The following FILIP1L variants were observed in gnomAD, a reference collection of about 807,000 sequenced individuals.
FILIP1L encodes the protein filamin A interacting protein 1 like.
Under a neutral mutation model 96.6 loss-of-function variants are expected in FILIP1L, and 55 were observed. That is an observed-to-expected ratio of 0.57 (90% confidence interval 0.46 to 0.71). FILIP1L has a LOEUF of 0.71. FILIP1L is among the 30% of genes least tolerant of loss of function. FILIP1L has a pLI of 0.00. For synonymous variants in FILIP1L, 467 were observed against 473.9 expected, an observed-to-expected ratio of 0.99 and a Z score of 0.19; for missense variants, 1,304 against 1,321.2, an observed-to-expected ratio of 0.99 and a Z score of 0.20.
chr3:99,871,516 TA>T (rs1210205830), intron 4 of FILIP1L, among the ~76,000 whole-genome samples: 1 of 152,180 alleles, frequency 6.6e-6, no homozygotes, highest in Non-Finnish European at 1.5e-5. Flanking sequence ...ATGAGTAATT[TA>T]ATGTCACATC....
At chr3:99,928,895 C>G (rs1269011361) in intron 3 of FILIP1L, among the ~76,000 whole-genome samples, 1 of 152,150 alleles carries the variant, frequency 6.6e-6, no homozygotes, top group Non-Finnish European at 1.5e-5. Flanking sequence ...CTCATCCTCA[C>G]CCCGTAGAGA....
At chr3:100,087,797 C>T (rs571738993) in intron 1 of FILIP1L, among the ~76,000 whole-genome samples, 3 of 150,212 alleles carry the variant, frequency 2.0e-5, no homozygotes, top group Admixed American at 1.3e-4. Context: ...CTTTTCCTAA[C>T]ACAAACTCAC....
chr3:100,038,596 A>G (rs1413474239), intron 1 of FILIP1L, among the ~76,000 whole-genome samples: 7 of 152,254 alleles, frequency 4.6e-5, no homozygotes, highest in Admixed American at 2.0e-4. Context: ...CTGGAAGTAA[A>G]TAGGATTATT....
At chr3:100,100,876 A>G (rs1387892133) in intron 1 of FILIP1L, among the ~76,000 whole-genome samples, 1 of 152,158 alleles carries the variant, frequency 6.6e-6, no homozygotes, top group African/African-American at 2.4e-5. Flanking sequence ...CATGAGGAAG[A>G]TCAGTTTTTC....
At chr3:99,837,696 A>G (rs181501386) in intron 5 of FILIP1L, among the ~76,000 whole-genome samples, 2 of 152,356 alleles carry the variant, frequency 1.3e-5, no homozygotes, top group Admixed American at 1.3e-4. Context: ...ACCTGGGAAG[A>G]TACATAGTGA....
intron 4 of FILIP1L, among the ~76,000 whole-genome samples, chr3:99,868,853 A>G (rs570474643): frequency 6.6e-6 from 1 of 152,306 alleles, no homozygotes; most frequent in South Asian, 2.1e-4. Context: ...AAGTCCCCAC[A>G]GCCCTTACAG....
intron 1 of FILIP1L, among the ~76,000 whole-genome samples, chr3:100,100,166 A>G (rs1486611053): frequency 6.6e-6 from 1 of 152,060 alleles, no homozygotes; most frequent in East Asian, 1.9e-4. Context: ...CAATGCTGCC[A>G]CTCAGATTTT....
Position 100,093,576 on chromosome 3 carries a change from G to T in FILIP1L, c.-11+20477C>A, listed in dbSNP as rs116375050. 3.5e-3 allele frequency among the ~76,000 whole-genome samples: 528 copies of T among 152,146 alleles called. 3 individuals carry two copies. Among genetic ancestry groups the T allele is most frequent in the African/African-American group, 0.012 (487 of 41,504 alleles). ...TACACTTCAACCAGTTTCCTCCAAT[G>T]GTAACATCTTACAGAACTGTAGTGG... On this transcript the variant is annotated intron_variant, in intron 1 of 5. Coordinates refer to ENST00000477258, the MANE Select transcript of FILIP1L (RefSeq NM_001387850.1).
Position 99,849,389 on chromosome 3 carries a change from C to T in FILIP1L, c.2287G>A (p.Glu763Lys). 2 of 1,614,222 alleles carry T rather than the reference C, an allele frequency of 1.2e-6. No homozygotes were observed. The highest frequency in any genetic ancestry group is 1.7e-6 in the Non-Finnish European group (2 of 1,180,046). Residue 763 changes from glutamate (E) to lysine (K), a missense_variant, in exon 5 of 6, where the codon GAG becomes AAG. Physicochemically the swap from Glu to Lys is moderately conservative, Grantham distance 56. Transcript: ENST00000477258. ...QENRNRDLGR[E>K]IENLTKELER... ...AACTCCTTAGTGAGGTTTTCAATCT[C>T]TCTTCCTAAATCTCTGTTCCTGTTT...
intron 4 of FILIP1L, among the ~76,000 whole-genome samples, chr3:99,891,258 TC>T (rs1706074181): frequency 6.6e-6 from 1 of 152,170 alleles, no homozygotes; most frequent in African/African-American, 2.4e-5. Flanking sequence ...TGTGGGTACT[TC>T]CATCTGGGCA....
rs9819861 is a variant in FILIP1L, at chr3:99,989,049, C to T, written c.-10-58019G>A. Among the ~76,000 whole-genome samples the T allele has an allele frequency of 5.0e-3, 761 of 152,302 alleles. 5 individuals carry two copies. Among genetic ancestry groups the T allele is most frequent in the African/African-American group, 0.017 (716 of 41,564 alleles). The stretch of plus-strand genomic sequence containing the variant: ...TAGGAATTATTTTTCTCAACAAATT[C>T]TTCCATCTCATAAACTTACTTAGCA... On this transcript the variant is annotated intron_variant, in intron 1 of 5. Coordinates refer to ENST00000477258, the MANE Select transcript of FILIP1L (RefSeq NM_001387850.1).
At chr3:99,876,035 GC>G (rs1705495755) in intron 4 of FILIP1L, 19 of 985,208 alleles carry the variant, frequency 1.9e-5, no homozygotes, top group Non-Finnish European at 2.2e-5. Context: ...TGACAGCAGT[GC>G]CCCTTGGTGG....
chr3:100,012,388 A>C (rs541734532), intron 1 of FILIP1L, among the ~76,000 whole-genome samples: 41 of 152,290 alleles, frequency 2.7e-4, no homozygotes, highest in African/African-American at 9.9e-4. Context: ...AAAGCCCAAA[A>C]CGAAACAAAA....
chr3:100,066,239 C>G (rs2065660894), intron 1 of FILIP1L, among the ~76,000 whole-genome samples: 1 of 152,200 alleles, frequency 6.6e-6, no homozygotes, highest in South Asian at 2.1e-4. Context: ...TCCTGCAGCT[C>G]TCTGTGGGAT....
intron 4 of FILIP1L, among the ~76,000 whole-genome samples, chr3:99,907,561 G>T (rs1233473481): frequency 6.6e-6 from 1 of 152,000 alleles, no homozygotes; most frequent in East Asian, 1.9e-4. Context: ...CCTTTATTTT[G>T]ACATCTGCAG....
intron 4 of FILIP1L, among the ~76,000 whole-genome samples, chr3:99,888,933 G>C (rs756849473): frequency 5.9e-5 from 9 of 152,092 alleles, no homozygotes; most frequent in Admixed American, 5.9e-4. Flanking sequence ...TTTTTAGGTA[G>C]AGGAAGAGCA....
chr3:100,029,287 T>G (rs1172871726), intron 1 of FILIP1L, among the ~76,000 whole-genome samples: 2 of 152,000 alleles, frequency 1.3e-5, no homozygotes, highest in Non-Finnish European at 2.9e-5. Flanking sequence ...AAAAATAAAT[T>G]TACTTATTTG....
At position 99,975,484 on chromosome 3, in the gene FILIP1L, C is replaced by T. The variant is rs368066600; in HGVS notation, c.-10-44454G>A. On this transcript the variant is annotated intron_variant, in intron 1 of 5. Coordinates refer to ENST00000477258, the MANE Select transcript of FILIP1L (RefSeq NM_001387850.1). ...GCGGGCGCCTGTAATCCCAGCTACT[C>T]GGGAGGCTGAGGCAGGAGAATTGCT... 4.6e-5 allele frequency among the ~76,000 whole-genome samples: 7 copies of T among 151,576 alleles called. No individual in the cohort carries two copies. The South Asian group carries it at 1.0e-3, about 23-fold the overall frequency.
chr3:100,073,399 C>G (rs1384250154), intron 1 of FILIP1L, among the ~76,000 whole-genome samples: 1 of 152,110 alleles, frequency 6.6e-6, no homozygotes, highest in Non-Finnish European at 1.5e-5. Flanking sequence ...AGCAAGCTGT[C>G]CTGTCATGAA....
Sources: allele counts gnomAD v4.1 joint callset (sites outside exome capture counted in the v4.1 genomes callset), GRCh38; gene constraint gnomAD v4.1.1; transcripts MANE v1.5; gene names NCBI Gene and HGNC (gene_info 2026-07-23, HGNC 2026-07-21).